Variants in TCF20 observed in about 807,000 individuals in gnomAD.
TCF20 encodes SPRE-binding protein.
Under a neutral mutation model 148.6 loss-of-function variants are expected in TCF20, and 3 were observed. That is an observed-to-expected ratio of 0.02 (90% CI 0.01 to 0.05). The LOEUF (loss-of-function observed/expected upper bound fraction) is 0.05, where lower values mean the gene tolerates loss of function less well. Among genes scored for constraint, TCF20 ranks in the 10% least tolerant of loss-of-function variants. The pLI is 1.00. For synonymous variants in TCF20, 1,049 were observed against 909.5 expected (o/e 1.15, Z -2.76); for missense variants, 2,350 against 2,429.3 (o/e 0.97, Z 0.69).
intron 1 of TCF20, among the ~76,000 whole-genome samples, chr22:42,321,405 T>C (rs1217496728): frequency 6.6e-6 from 1 of 152,068 alleles, no homozygotes; most frequent in African/African-American, 2.4e-5. Flanking sequence ...CCGGCTCCTC[T>C]GGCCAGGTCA....
intron 1 of TCF20, among the ~76,000 whole-genome samples, chr22:42,295,227 A>G (rs745542238): frequency 6.6e-6 from 1 of 152,132 alleles, no homozygotes; most frequent in Non-Finnish European, 1.5e-5. Flanking sequence ...TGAAGCATAC[A>G]GCTGCCCCTG....
At chr22:42,300,117 C>T (rs141748709) in intron 1 of TCF20, among the ~76,000 whole-genome samples, 201 of 152,196 alleles carry the variant, frequency 1.3e-3, no homozygotes, top group African/African-American at 4.7e-3. Flanking sequence ...AATTTTAAAA[C>T]GAGGCAGATT....
intron 5 of TCF20, among the ~76,000 whole-genome samples, chr22:42,166,681 C>T (rs1006593676): frequency 6.6e-6 from 1 of 151,652 alleles, no homozygotes; most frequent in Non-Finnish European, 1.5e-5. Context: ...TAGAGAGGAA[C>T]AGATGAACAA....
chr22:42,330,748 CAG>C (rs1927959502), intron 1 of TCF20, among the ~76,000 whole-genome samples: 1 of 152,228 alleles, frequency 6.6e-6, no homozygotes, highest in Non-Finnish European at 1.5e-5. Context: ...ATCCAGCCCA[CAG>C]AGTCCAGGAA....
In TCF20 at chr22:42,279,371, G is replaced by C. The variant is rs865850945; in HGVS notation, c.-37+4456C>G. ...AGGTGCCTGTAATCCCAGCTACTTG[G>C]AAGGCTGAGGCTGGAGAATCACTTG... On this transcript the variant is annotated intron_variant, in intron 1 of 5. Transcript: ENST00000359486. This position sits in a 1 kb window ranked among gnomAD's most constrained non-coding sequence, Gnocchi z 4.3. Among the ~76,000 whole-genome samples the C allele has an allele frequency of 7.2e-5, 11 of 152,174 alleles. No individual in the cohort carries two copies. Among genetic ancestry groups the C allele is most frequent in the African/African-American group, 4.8e-5 (2 of 41,430 alleles).
At position 42,213,161 on chromosome 22, in the gene TCF20, T is replaced by A; in HGVS notation, c.2145A>T (p.Ser715=). ...AGCCACTGACATTTCGTGGCACGGC[T>A]GACCCGAAACTATCTTTGTAACTAT... The part of the protein sequence containing the change: ...LRYSYKDSFG[S]AVPRNVSGFP... The change falls in exon 2 of 6, where the codon TCA becomes TCT. Residue 715 remains serine (S), a synonymous_variant. Coordinates refer to ENST00000677622, the MANE Select transcript of TCF20 (RefSeq NM_001378418.1). The A allele has an allele frequency of 6.2e-7, 1 of 1,614,228 alleles. No homozygotes were observed. Among genetic ancestry groups the A allele is most frequent in the South Asian group, 1.1e-5 (1 of 91,086 alleles).
chr22:42,168,858 G>T, intron 4 of TCF20, 122 bp from the exon 5 acceptor site: 1 of 1,320,484 alleles, frequency 7.6e-7, no homozygotes, highest in Non-Finnish European at 9.9e-7. Flanking sequence ...AGTCAGTCCT[G>T]ACCGACAAAC....
At chr22:42,253,538 C>T (rs1925545432) in intron 1 of TCF20, among the ~76,000 whole-genome samples, 1 of 152,016 alleles carries the variant, frequency 6.6e-6, no homozygotes, top group Admixed American at 6.5e-5. Flanking sequence ...TCAAGATTTA[C>T]CCCTTAAATA....
At chr22:42,228,170 G>C (rs1175012859) in intron 1 of TCF20, among the ~76,000 whole-genome samples, 1 of 152,200 alleles carries the variant, frequency 6.6e-6, no homozygotes, top group Non-Finnish European at 1.5e-5. Context: ...GGCAAGGACA[G>C]AGCAGGGAAT....
At chr22:42,194,356 A>C (rs529362696) in intron 2 of TCF20, among the ~76,000 whole-genome samples, 2 of 152,348 alleles carry the variant, frequency 1.3e-5, no homozygotes, top group Non-Finnish European at 2.9e-5. Context: ...GCTTCAATGA[A>C]GAACGGTTTC....
chr22:42,186,394 G>C (rs1412306396), intron 2 of TCF20, among the ~76,000 whole-genome samples: 1 of 152,132 alleles, frequency 6.6e-6, no homozygotes, highest in Non-Finnish European at 1.5e-5. Context: ...AAACTAGAAA[G>C]TTATGTAATT....
chr22:42,325,036 C>T (rs2147054099), intron 1 of TCF20, among the ~76,000 whole-genome samples: 1 of 152,370 alleles, frequency 6.6e-6, no homozygotes, highest in East Asian at 1.9e-4. Context: ...CTTTGTCTTC[C>T]CACCCTGCTG....
chr22:42,243,391 T>G (rs1279112226), intron 1 of TCF20, among the ~76,000 whole-genome samples: 3 of 146,512 alleles, frequency 2.0e-5, no homozygotes, highest in Non-Finnish European at 4.5e-5. Context: ...TCACTTGACG[T>G]CAGAAATTTG....
chr22:42,187,095 G>A (rs1937080753), intron 2 of TCF20, among the ~76,000 whole-genome samples: 1 of 152,114 alleles, frequency 6.6e-6, no homozygotes, highest in African/African-American at 2.4e-5. Flanking sequence ...CTCCAAACCT[G>A]TCCCTACTCA....
upstream of TCF20, among the ~76,000 whole-genome samples, chr22:42,286,041 T>TC (rs1220084682): frequency 6.6e-6 from 1 of 152,162 alleles, no homozygotes; most frequent in African/African-American, 2.4e-5. Context: ...AAATCCTGGC[T>TC]CCCCAACTCA....
chr22:42,235,306 T>G (rs1385174115), intron 1 of TCF20, among the ~76,000 whole-genome samples: 1 of 152,212 alleles, frequency 6.6e-6, no homozygotes, highest in Non-Finnish European at 1.5e-5. Context: ...CCAAGAGATT[T>G]GAGGAACAGT....
intron 1 of TCF20, among the ~76,000 whole-genome samples, chr22:42,303,022 C>T (rs192981979): frequency 1.0e-3 from 153 of 152,320 alleles, no homozygotes; most frequent in African/African-American, 3.0e-3. Context: ...CTCCGCCTCC[C>T]GGGTTCAAGC....
chr22:42,289,639 C>T (rs1927096791), intron 1 of TCF20, among the ~76,000 whole-genome samples: 1 of 152,204 alleles, frequency 6.6e-6, no homozygotes, highest in South Asian at 2.1e-4. Context: ...TGACCCTGAA[C>T]TTAGGCGGCT....
intron 1 of TCF20, among the ~76,000 whole-genome samples, chr22:42,247,979 T>C (rs554871700): frequency 5.1e-4 from 77 of 152,358 alleles, no homozygotes; most frequent in African/African-American, 1.8e-3. Context: ...TTCTGGTTCA[T>C]AGCCTTTACA....
Sources: gnomAD v4.1 joint callset for allele counts (sites outside exome capture counted in the v4.1 genomes callset) on GRCh38, gnomAD v4.1.1 for gene constraint, Gnocchi (gnomAD v3.1) non-coding constraint, MANE v1.5 for transcripts, NCBI Gene and HGNC (gene_info 2026-07-23, HGNC 2026-07-21) for gene names.